The following NYX variants were observed in gnomAD, a reference collection of about 807,000 sequenced individuals.
NYX encodes nyctalopin.
For missense variants in NYX, 481 were observed against 485.4 expected (o/e 0.99, Z 0.09); for synonymous variants, 258 against 245.7 (o/e 1.05, Z -0.47).
In NYX at chrX:41,473,820, C is replaced by T; in HGVS notation, c.352C>T (p.Leu118=). 9.0e-7 allele frequency: 1 copy of T among 1,108,411 alleles called. No homozygotes were observed. Among genetic ancestry groups the T allele is most frequent in the Non-Finnish European group, 1.2e-6 (1 of 850,622 alleles). The allele number at this position is 1,108,411 out of a possible 1,213,427, so 91.3% of individuals were successfully genotyped here. A position where few individuals can be genotyped will look rare whatever the true frequency, so the allele number is the denominator to read the frequency against. ...AELRLAHNGD[L]RYLHARTFAA... Reference sequence around the variant, plus strand: ...GCTGCGCCTGGCGCACAACGGCGACCTGCGCTACCTGCACGCGCGCACCTT... The same window carrying T: ...GCTGCGCCTGGCGCACAACGGCGACTTGCGCTACCTGCACGCGCGCACCTT... The change falls in exon 3 of 3, where the codon CTG becomes TTG. Residue 118 remains leucine, a synonymous_variant. Transcript: ENST00000378220.
intron 2 of NYX, among the ~76,000 whole-genome samples, chrX:41,463,933 C>T (rs894658604): frequency 8.1e-5 from 9 of 111,696 alleles, no homozygotes; most frequent in African/African-American, 2.0e-4. Flanking sequence ...TTCTTGTAGA[C>T]CTAATTTTCA....
chrX:41,473,675 G>A lies in NYX; in HGVS notation c.207G>A (p.Leu69=), dbSNP rs12013709. 2,931 of 1,121,606 alleles carry A rather than the reference G, an allele frequency of 2.6e-3. 58 individuals are homozygous for A. The African/African-American group carries it at 0.045, about 17-fold the overall frequency. 92.4% of individuals were successfully genotyped at this position (1,121,606 alleles called of 1,213,427 possible). Residue 69 remains leucine (L), a synonymous_variant, in exon 3 of 3, where the codon CTG becomes CTA. Coordinates refer to ENST00000378220, the MANE Select transcript of NYX (RefSeq NM_001378477.3). ...AVSIDLDRNG[L]RFLGERAFGT... is the part of the protein sequence containing the mutation. The stretch of plus-strand genomic sequence containing the variant: ...CCATCGACCTGGACCGGAACGGCCT[G>A]CGCTTCCTGGGCGAGCGAGCCTTCG...
At chrX:41,450,261 T>C (rs953267302) in intron 2 of NYX, among the ~76,000 whole-genome samples, 2 of 111,860 alleles carry the variant, frequency 1.8e-5, no homozygotes, top group African/African-American at 6.5e-5. Flanking sequence ...GAGTCAGGGG[T>C]TGTGTGTTTG....
chrX:41,466,788 T>A (rs12845893), intron 2 of NYX, among the ~76,000 whole-genome samples: 1 of 22,258 alleles, frequency 4.5e-5, no homozygotes. Context: ...CAGACTGGTC[T>A]TTTTTTTTTT....
At chrX:41,454,527 G>A (rs189183539) in intron 2 of NYX, among the ~76,000 whole-genome samples, 1 of 110,704 alleles carries the variant, frequency 9.0e-6, no homozygotes, top group Non-Finnish European at 1.9e-5. Flanking sequence ...TGGCCAGGCT[G>A]GTCTTGAACT....
chrX:41,460,876 A>ATTCTTTTTT lies in NYX; in HGVS notation c.23-12613_23-12612insCTTTTTTTT, dbSNP rs1335308569. On this transcript the variant is annotated intron_variant, in intron 2 of 2. Transcript: ENST00000378220. ...ATGTAAGCGGAGTCACACAGTATGT[A>ATTCTTTTTT]TTTTTTTTTTTTTTTTTTTTTTTTT... 1.1e-3 allele frequency among the ~76,000 whole-genome samples: 28 copies of ATTCTTTTTT among 24,781 alleles called. 2 individuals are homozygous for ATTCTTTTTT. Among genetic ancestry groups the ATTCTTTTTT allele is most frequent in the African/African-American group, 2.0e-3 (13 of 6,574 alleles). 21.5% of individuals were successfully genotyped at this position (24,781 alleles called of 115,157 possible).
At position 41,474,600 on chromosome X, in the gene NYX, G is replaced by T; in HGVS notation, c.1132G>T (p.Asp378Tyr). ...CCAGGTGACCTTCGGGCGCTCCTCC[G>T]ATGGCCTCTGTGTGGACCCCGAGGA... is the stretch of plus-strand genomic sequence containing the variant. ...LSQVTFGRSS[D>Y]GLCVDPEELN... The change falls in exon 3 of 3, where the codon GAT becomes TAT. Residue 378 changes from aspartate to tyrosine, a missense_variant. Physicochemically the swap from Asp to Tyr is radical, Grantham distance 160. Transcript: ENST00000378220. 8.3e-7 allele frequency: 1 copy of T among 1,198,567 alleles called. No homozygotes were observed. Among genetic ancestry groups the T allele is most frequent in the Non-Finnish European group, 1.1e-6 (1 of 889,529 alleles).
At chrX:41,451,222 G>A (rs2064278996) in intron 2 of NYX, among the ~76,000 whole-genome samples, 1 of 111,981 alleles carries the variant, frequency 8.9e-6, no homozygotes, top group Non-Finnish European at 1.9e-5. Context: ...TGCTGGGAAT[G>A]TATAATGGTG....
rs1187743220 is a variant in NYX at position 41,473,954 on chromosome X, C to T, written c.486C>T (p.Phe162=). ...ELPALRELAA[F]DNLFRRVPGA... Reference sequence around the variant, plus strand: ...CGGCCCTGCGCGAACTCGCCGCCTTCGACAACCTGTTCCGCCGCGTGCCGG... The same window carrying T: ...CGGCCCTGCGCGAACTCGCCGCCTTTGACAACCTGTTCCGCCGCGTGCCGG... Residue 162 remains phenylalanine (F), a synonymous_variant, in exon 3 of 3, where the codon TTC becomes TTT. Coordinates refer to ENST00000378220, the MANE Select transcript of NYX (RefSeq NM_001378477.3). 58 of 1,101,093 alleles carry T rather than the reference C, an allele frequency of 5.3e-5. No homozygotes were observed. The highest frequency in any genetic ancestry group is 6.8e-5 in the Non-Finnish European group (58 of 847,452). 90.7% of individuals were successfully genotyped at this position (1,101,093 alleles called of 1,213,427 possible).
chrX:41,458,763 G>A (rs1364669403), intron 2 of NYX, among the ~76,000 whole-genome samples: 2 of 101,409 alleles, frequency 2.0e-5, no homozygotes, highest in Non-Finnish European at 4.0e-5. Flanking sequence ...CACCACACCC[G>A]GCCCTGAGCA....
At chrX:41,471,224 G>A (rs973624289) in intron 2 of NYX, among the ~76,000 whole-genome samples, 2 of 111,247 alleles carry the variant, frequency 1.8e-5, no homozygotes, top group Non-Finnish European at 3.8e-5. Context: ...CAATTCTCCT[G>A]CCTCAGCCTT....
chrX:41,449,956 C>T (rs957735542), intron 2 of NYX, among the ~76,000 whole-genome samples: 3 of 111,070 alleles, frequency 2.7e-5, no homozygotes, highest in African/African-American at 9.8e-5. Context: ...AGGGATAGTG[C>T]TCTACCTCCT....
intron 2 of NYX, among the ~76,000 whole-genome samples, chrX:41,466,720 T>A (rs1218481222): frequency 7.2e-5 from 7 of 97,331 alleles, no homozygotes; most frequent in East Asian, 3.3e-4. Flanking sequence ...CCACCATGCC[T>A]GGCTAATTTT....
intron 2 of NYX, among the ~76,000 whole-genome samples, chrX:41,454,765 C>A (rs1486674169): frequency 9.0e-6 from 1 of 110,924 alleles, no homozygotes; most frequent in Admixed American, 9.7e-5. Flanking sequence ...CATCACCACG[C>A]CTGGCTAATT....
At chrX:41,469,672 G>C (rs969849233) in intron 2 of NYX, among the ~76,000 whole-genome samples, 1 of 108,370 alleles carries the variant, frequency 9.2e-6, no homozygotes, top group Non-Finnish European at 1.9e-5. Flanking sequence ...TCAGCCTCCC[G>C]AGTAGCTGGG....
chrX:41,466,124 GT>G (rs1421267744), intron 2 of NYX, among the ~76,000 whole-genome samples: 1 of 111,980 alleles, frequency 8.9e-6, no homozygotes, highest in Non-Finnish European at 1.9e-5. Context: ...CATGTGCTGT[GT>G]GGACTTGAAA....
chrX:41,474,649 C>G lies in NYX; in HGVS notation c.1181C>G (p.Pro394Arg), dbSNP rs1382737446. ...PEELNLTTSS[P>R]GPSPEPAATT... ...GAGCTGAACCTCACCACGTCCAGTCCAGGCCCGTCCCCAGAACCAGCGGCC... is the reference window on the plus strand; with the variant it reads ...GAGCTGAACCTCACCACGTCCAGTCGAGGCCCGTCCCCAGAACCAGCGGCC... Residue 394 changes from proline to arginine, a missense_variant, in exon 3 of 3, where the codon CCA becomes CGA. Physicochemically the swap from Pro to Arg is moderately radical, Grantham distance 103. Coordinates refer to ENST00000378220, the MANE Select transcript of NYX (RefSeq NM_001378477.3). 8.4e-7 allele frequency: 1 copy of G among 1,197,376 alleles called. No homozygotes were observed. The highest frequency in any genetic ancestry group is 1.8e-5 in the African/African-American group (1 of 56,930).
chrX:41,450,915 A>G (rs1453748180), intron 2 of NYX, among the ~76,000 whole-genome samples: 1 of 89,090 alleles, frequency 1.1e-5, no homozygotes, highest in Non-Finnish European at 2.2e-5. Flanking sequence ...TGAACTCCTG[A>G]CCTCAAGTGA....
rs2064372300 is a variant in NYX, at chrX:41,473,634, C to T, written c.166C>T (p.Pro56Ser). 1 of 1,065,966 alleles carries T rather than the reference C, an allele frequency of 9.4e-7. No individual in the cohort carries two copies. Among genetic ancestry groups the T allele is most frequent in the Non-Finnish European group, 1.2e-6 (1 of 825,868 alleles). 87.8% of individuals were successfully genotyped at this position (1,065,966 alleles called of 1,213,427 possible). A position where few individuals can be genotyped will look rare whatever the true frequency, so the allele number is the denominator to read the frequency against. Residue 56 changes from proline (P) to serine (S), a missense_variant, in exon 3 of 3, where the codon CCG becomes TCG. Physicochemically the swap from Pro to Ser is moderately conservative, Grantham distance 74. Coordinates refer to ENST00000378220, the MANE Select transcript of NYX (RefSeq NM_001378477.3). ...AGLLRVPAEL[P>S]CEAVSIDLDR... Reference sequence around the variant, plus strand: ...CCTCCTGCGGGTGCCGGCCGAGCTCCCGTGCGAGGCGGTCTCCATCGACCT... The same window carrying T: ...CCTCCTGCGGGTGCCGGCCGAGCTCTCGTGCGAGGCGGTCTCCATCGACCT...
Sources: allele counts gnomAD v4.1 joint callset (sites outside exome capture counted in the v4.1 genomes callset), GRCh38; gene constraint gnomAD v4.1.1; transcripts MANE v1.5; gene names NCBI Gene and HGNC (gene_info 2026-07-23, HGNC 2026-07-21).